Variants in THRB observed in about 807,000 individuals in gnomAD.
The protein encoded by THRB is nuclear receptor subfamily 1 group A member 2.
In THRB, 12 loss-of-function variants were observed where a neutral mutation model predicts 47.8. The ratio of observed to expected loss-of-function variants is 0.25; its 90% CI spans 0.16 to 0.41. The LOEUF (loss-of-function observed/expected upper bound fraction) is 0.41. Among genes scored for constraint, THRB ranks in the 10% least tolerant of loss-of-function variants. The pLI is 1.00. For missense variants in THRB, 348 were observed against 589.2 expected (o/e 0.59, Z 4.24); for synonymous variants, 218 against 212.2 (o/e 1.03, Z -0.24).
chr3:24,144,582 A>G (rs1374271919), intron 7 of THRB: 3 of 152,248 alleles, frequency 2.0e-5, no homozygotes, highest in African/African-American at 7.2e-5. Context: ...AAGGGCAGGT[A>G]ACAAGAAACC....
At chr3:24,437,012 A>G (rs552989396) in intron 1 of THRB, among the ~76,000 whole-genome samples, 184 of 151,942 alleles carry the variant, frequency 1.2e-3, no homozygotes, top group Non-Finnish European at 2.4e-3. Context: ...CCCTGCATCA[A>G]TCAAATGTGC....
chr3:24,213,018 T>C (rs1316380883), intron 4 of THRB, among the ~76,000 whole-genome samples: 1 of 152,196 alleles, frequency 6.6e-6, no homozygotes, highest in Non-Finnish European at 1.5e-5. Context: ...TGAGCAACTC[T>C]GGCGATACGG....
intron 3 of THRB, among the ~76,000 whole-genome samples, chr3:24,269,720 G>T (rs1469868026): frequency 1.3e-5 from 2 of 151,494 alleles, no homozygotes; most frequent in Non-Finnish European, 2.9e-5. Context: ...ACAGGCATAA[G>T]CCACAGTACC....
chr3:24,156,050 A>G lies in THRB; in HGVS notation c.284-3560T>C, dbSNP rs138803124. The stretch of plus-strand genomic sequence containing the variant: ...GCATATTTTTATAAAAGCAAACTCC[A>G]TCTGTTCAACAAAGGACTTGAGATT... On this transcript the variant is annotated intron_variant, in intron 5 of 10. Coordinates refer to ENST00000646209, the MANE Select transcript of THRB (RefSeq NM_001354712.2). Among the ~76,000 whole-genome samples, 667 of 152,354 alleles carry G rather than the reference A, an allele frequency of 4.4e-3. 5 individuals carry two copies. Among genetic ancestry groups the G allele is most frequent in the Middle Eastern group, 0.014 (4 of 294 alleles).
At chr3:24,456,958 G>A (rs1482388844) in intron 1 of THRB, among the ~76,000 whole-genome samples, 1 of 151,986 alleles carries the variant, frequency 6.6e-6, no homozygotes, top group Admixed American at 6.6e-5. Flanking sequence ...TAAATTGTAA[G>A]GTTTGGGGCT....
intron 4 of THRB, among the ~76,000 whole-genome samples, chr3:24,202,127 T>G (rs1462396261): frequency 6.6e-6 from 1 of 152,140 alleles, no homozygotes; most frequent in Non-Finnish European, 1.5e-5. Context: ...CTGGAGGGCT[T>G]AGATGATCAT....
At position 24,133,309 on chromosome 3, in the gene THRB, T is replaced by A. The variant is rs536530170; in HGVS notation, c.885+7A>T. The A allele has an allele frequency of 1.1e-4, 171 of 1,613,986 alleles. 2 individuals are homozygous for A. In the South Asian group the frequency reaches 1.8e-3, roughly 17 times the overall value. On this transcript the variant is annotated splice_region_variant and intron_variant, in intron 9 of 10. Coordinates refer to ENST00000646209, the MANE Select transcript of THRB (RefSeq NM_001354712.2). Reference sequence around the variant, plus strand: ...GAATAATGCAGAAGGAAAAACAACATCCTCACCTCACAAAACATAGGCAAC... The same window carrying A: ...GAATAATGCAGAAGGAAAAACAACAACCTCACCTCACAAAACATAGGCAAC...
intron 2 of THRB, among the ~76,000 whole-genome samples, chr3:24,307,015 T>A (rs1253985536): frequency 6.6e-6 from 1 of 151,902 alleles, no homozygotes; most frequent in Non-Finnish European, 1.5e-5. Context: ...AAAAAATGAA[T>A]CATATGAGAG....
intron 3 of THRB, among the ~76,000 whole-genome samples, chr3:24,295,965 C>G (rs1443711692): frequency 1.3e-5 from 2 of 152,210 alleles, no homozygotes; most frequent in South Asian, 4.1e-4. Context: ...TTACATTTAA[C>G]CACCTTTGGC....
chr3:24,327,066 G>A (rs1300567895), intron 2 of THRB, among the ~76,000 whole-genome samples: 3 of 152,050 alleles, frequency 2.0e-5, no homozygotes, highest in African/African-American at 4.8e-5. Flanking sequence ...CCCTGTCAAA[G>A]CTGTCCATTC....
In THRB at chr3:24,281,561, C is replaced by T. The variant is rs1216507821; in HGVS notation, c.-43+15665G>A. ...AAATCACCAGCTAACATCATAATGACAGGATCAAATTCACACATAACAATA... is the reference window on the plus strand; with the variant it reads ...AAATCACCAGCTAACATCATAATGATAGGATCAAATTCACACATAACAATA... On this transcript the variant is annotated intron_variant, in intron 3 of 10. Coordinates refer to ENST00000646209, the MANE Select transcript of THRB (RefSeq NM_001354712.2). 4.8e-5 allele frequency among the ~76,000 whole-genome samples: 7 copies of T among 146,574 alleles called. No homozygotes were observed. In the South Asian group the frequency reaches 7.0e-4, roughly 15 times the overall value.
chr3:24,486,317 G>A (rs1366490381), intron 1 of THRB: 2 of 152,176 alleles, frequency 1.3e-5, no homozygotes, highest in African/African-American at 4.8e-5. Context: ...ATCACCTCCT[G>A]TAGATTGCCC....
chr3:24,352,751 A>G (rs2063432612), intron 1 of THRB, among the ~76,000 whole-genome samples: 1 of 152,182 alleles, frequency 6.6e-6, no homozygotes, highest in African/African-American at 2.4e-5. Context: ...GCATACACAT[A>G]TACTACATAT....
chr3:24,201,652 A>G (rs1345322334), intron 4 of THRB, among the ~76,000 whole-genome samples: 2 of 152,224 alleles, frequency 1.3e-5, no homozygotes, highest in East Asian at 1.9e-4. Flanking sequence ...TGATTTTCCT[A>G]TTCAGAAATC....
intron 1 of THRB, among the ~76,000 whole-genome samples, chr3:24,471,335 C>T (rs978623909): frequency 1.3e-5 from 2 of 152,166 alleles, no homozygotes; most frequent in Non-Finnish European, 2.9e-5. Flanking sequence ...GTGATTATAA[C>T]GCCGCTCAAG....
At chr3:24,201,338 T>G (rs1402096765) in intron 4 of THRB, among the ~76,000 whole-genome samples, 2 of 152,064 alleles carry the variant, frequency 1.3e-5, no homozygotes, top group Admixed American at 6.6e-5. Context: ...GCCCCCTGCC[T>G]CCTCCATGCT....
At chr3:24,433,740 G>A (rs767241222) in intron 1 of THRB, among the ~76,000 whole-genome samples, 1 of 151,996 alleles carries the variant, frequency 6.6e-6, no homozygotes, top group Non-Finnish European at 1.5e-5. Flanking sequence ...TATTATCATC[G>A]ACCTTATTTT....
chr3:24,249,930 C>T (rs1274296473), intron 3 of THRB, among the ~76,000 whole-genome samples: 1 of 152,170 alleles, frequency 6.6e-6, no homozygotes, highest in Non-Finnish European at 1.5e-5. Context: ...AAGAATTAAA[C>T]TCTTAGAGTG....
intron 3 of THRB, among the ~76,000 whole-genome samples, chr3:24,235,909 G>A (rs962300251): frequency 6.6e-6 from 1 of 152,156 alleles, no homozygotes; most frequent in Non-Finnish European, 1.5e-5. Flanking sequence ...AAGTTTATTT[G>A]GTATTGTGGG....
Sources: allele counts gnomAD v4.1 joint callset (sites outside exome capture counted in the v4.1 genomes callset), GRCh38; gene constraint gnomAD v4.1.1; transcripts MANE v1.5; gene names NCBI Gene and HGNC (gene_info 2026-07-23, HGNC 2026-07-21).